TTLL5: variants seen among roughly 807,000 people sequenced by gnomAD.
The protein encoded by TTLL5 is tubulin polyglutamylase TTLL5.
TTLL5 carries 132 observed loss-of-function variants against 168.4 expected under a neutral mutation model. The ratio of observed to expected loss-of-function variants is 0.78; its 90% CI spans 0.68 to 0.91. The LOEUF (loss-of-function observed/expected upper bound fraction) is 0.91, where lower values mean the gene tolerates loss of function less well. Ranked by LOEUF, TTLL5 falls within the 40% of genes least tolerant of loss-of-function variation. The pLI is 0.00. For missense variants in TTLL5, 1,545 were observed against 1,581.5 expected (o/e 0.98, Z 0.39); for synonymous variants, 546 against 558.6 (o/e 0.98, Z 0.32).
intron 28 of TTLL5, among the ~76,000 whole-genome samples, chr14:75,853,257 C>T (rs766589103): frequency 5.9e-5 from 9 of 152,170 alleles, no homozygotes; most frequent in Non-Finnish European, 1.0e-4. Flanking sequence ...CTGGGTCATT[C>T]GGACTAACAT....
At chr14:75,813,566 G>A (rs1894199738) in intron 27 of TTLL5, among the ~76,000 whole-genome samples, 1 of 152,102 alleles carries the variant, frequency 6.6e-6, no homozygotes, top group South Asian at 2.1e-4. Flanking sequence ...GCCTCCCAAA[G>A]TGCTGGTATT....
At chr14:75,831,514 C>G (rs1429396188) in intron 28 of TTLL5, among the ~76,000 whole-genome samples, 1 of 152,166 alleles carries the variant, frequency 6.6e-6, no homozygotes, top group Non-Finnish European at 1.5e-5. Context: ...CTGCCCACAG[C>G]CACCGCCACC....
In TTLL5 at chr14:75,814,289, T is replaced by C. The variant is rs576620941; in HGVS notation, c.3172-5718T>C. On this transcript the variant is annotated intron_variant, in intron 27 of 31. Coordinates refer to ENST00000298832, the MANE Select transcript of TTLL5 (RefSeq NM_015072.5). The stretch of plus-strand genomic sequence containing the variant: ...TTCATGTACTGTAAGCCTGTTCTTT[T>C]AAAAAATTATTTAGCAATGAAATGT... 3.9e-5 allele frequency among the ~76,000 whole-genome samples: 6 copies of C among 152,330 alleles called. No homozygotes were observed. The South Asian group carries it at 1.0e-3, about 26-fold the overall frequency.
intron 1 of TTLL5, among the ~76,000 whole-genome samples, chr14:75,662,802 A>T (rs1890839245): frequency 6.6e-6 from 1 of 152,218 alleles, no homozygotes; most frequent in Admixed American, 6.5e-5. Flanking sequence ...AATAATGAGA[A>T]ACTCAAACTT....
intron 31 of TTLL5, 94 bp downstream of exon 31, chr14:75,902,318 G>T: frequency 7.7e-7 from 1 of 1,292,464 alleles, no homozygotes; most frequent in African/African-American, 1.5e-5. Context: ...GAGAGCCCCA[G>T]TTCAAAGAAT....
chr14:75,674,244 A>G (rs1883974224), intron 3 of TTLL5, among the ~76,000 whole-genome samples: 1 of 152,000 alleles, frequency 6.6e-6, no homozygotes, highest in South Asian at 2.1e-4. Flanking sequence ...TGGCTTAATA[A>G]TTTTCTTCAC....
chr14:75,747,346 A>G (rs936648940), intron 17 of TTLL5, among the ~76,000 whole-genome samples: 8 of 151,994 alleles, frequency 5.3e-5, no homozygotes, highest in African/African-American at 1.9e-4. Context: ...TTTGTAATAA[A>G]TGTTTTAAAA....
At chr14:75,737,668 T>A in intron 15 of TTLL5, 1 of 1,479,936 alleles carries the variant, frequency 6.8e-7, no homozygotes, top group Non-Finnish European at 9.0e-7. Context: ...AAATGGAAAG[T>A]TTTTTAGCTT....
intron 28 of TTLL5, among the ~76,000 whole-genome samples, chr14:75,856,570 A>G (rs551145928): frequency 3.6e-4 from 54 of 149,930 alleles, no homozygotes; most frequent in Non-Finnish European, 5.6e-4. Flanking sequence ...TGTATTTTCT[A>G]TTAGATTTAT....
intron 29 of TTLL5, among the ~76,000 whole-genome samples, chr14:75,873,649 CTTTTTTTAGTTTTT>C (rs61029143): frequency 0.87 from 131,244 of 151,326 alleles, 56,980 homozygotes; most frequent in East Asian, 0.92. Flanking sequence ...CATGTTTTCT[CTTTTTTTAGTTTTT>C]TTTTTTTAGT....
intron 18 of TTLL5, 83 bp from the exon 19 acceptor site, chr14:75,764,532 T>A: frequency 6.6e-7 from 1 of 1,521,820 alleles, no homozygotes; most frequent in South Asian, 1.2e-5. Context: ...TATGTCAGCA[T>A]TATGGAATTC....
chr14:75,828,805 A>G (rs1160106613), intron 28 of TTLL5, among the ~76,000 whole-genome samples: 1 of 152,260 alleles, frequency 6.6e-6, no homozygotes, highest in Non-Finnish European at 1.5e-5. Context: ...TACCTTCTTC[A>G]ACAAATATTT....
intron 27 of TTLL5, among the ~76,000 whole-genome samples, chr14:75,816,988 T>TA (rs1894460202): frequency 6.9e-6 from 1 of 145,896 alleles, no homozygotes; most frequent in African/African-American, 2.5e-5. Flanking sequence ...TTTTTTTTTT[T>TA]TTTTTTTTTT....
Position 75,797,809 on chromosome 14 carries a change from G to A in TTLL5, c.3171+4709G>A, listed in dbSNP as rs185901045. 2.5e-3 allele frequency among the ~76,000 whole-genome samples: 377 copies of A among 151,908 alleles called. 3 individuals carry two copies. Among genetic ancestry groups the A allele is most frequent in the African/African-American group, 7.9e-3 (330 of 41,530 alleles). ...ATCTTTTTGATATGCTGTTGGATTA[G>A]GTTAGTGGCAGAAACTGCAATTACT... On this transcript the variant is annotated intron_variant, in intron 27 of 31. Transcript: ENST00000298832.
chr14:75,835,941 T>C (rs1346027114), intron 28 of TTLL5, among the ~76,000 whole-genome samples: 1 of 152,152 alleles, frequency 6.6e-6, no homozygotes, highest in East Asian at 1.9e-4. Context: ...ACACTGCTAG[T>C]TGGAATGTAA....
intron 12 of TTLL5, among the ~76,000 whole-genome samples, chr14:75,724,663 G>T (rs1355728316): frequency 1.3e-5 from 2 of 152,106 alleles, no homozygotes; most frequent in Non-Finnish European, 2.9e-5. Context: ...GTATCTATGG[G>T]GCTTCAGAAG....
intron 9 of TTLL5, among the ~76,000 whole-genome samples, chr14:75,715,674 A>G (rs566375432): frequency 4.6e-5 from 7 of 152,040 alleles, no homozygotes; most frequent in Non-Finnish European, 8.8e-5. Context: ...TTTTTGTTTC[A>G]CTTTAATTTT....
At chr14:75,715,114 C>T (rs1887341258) in intron 9 of TTLL5, among the ~76,000 whole-genome samples, 1 of 151,966 alleles carries the variant, frequency 6.6e-6, no homozygotes, top group African/African-American at 2.4e-5. Flanking sequence ...TGCTCAATTC[C>T]TTTGTATGTG....
intron 18 of TTLL5, among the ~76,000 whole-genome samples, chr14:75,758,235 G>GT (rs1890407996): frequency 6.6e-6 from 1 of 152,138 alleles, no homozygotes; most frequent in Non-Finnish European, 1.5e-5. Context: ...AAGAGAACCT[G>GT]TTTCTAGTTT....
Sources: gnomAD v4.1 joint callset for allele counts (sites outside exome capture counted in the v4.1 genomes callset) on GRCh38, gnomAD v4.1.1 for gene constraint, MANE v1.5 for transcripts, NCBI Gene and HGNC (gene_info 2026-07-23, HGNC 2026-07-21) for gene names.